The following TTC8 variants were observed in gnomAD, a reference collection of about 807,000 sequenced individuals.
TTC8 encodes the protein tetratricopeptide repeat protein 8.
In TTC8, 47 loss-of-function variants were observed where a neutral mutation model predicts 72.5. That is an observed-to-expected ratio of 0.65 (90% CI 0.51 to 0.83). The LOEUF (loss-of-function observed/expected upper bound fraction) is 0.83, where lower values mean the gene tolerates loss of function less well. TTC8 is among the 40% of genes least tolerant of loss of function. The probability of loss-of-function intolerance (pLI) is 0.00; values close to 1 mark genes in which losing one functional copy is unlikely to be tolerated. For missense variants in TTC8, 611 were observed against 623.2 expected (o/e 0.98, Z 0.21); for synonymous variants, 199 against 221.4 (o/e 0.90, Z 0.90).
At chr14:88,868,961 G>A (rs1275947026) in intron 10 of TTC8, among the ~76,000 whole-genome samples, 1 of 152,164 alleles carries the variant, frequency 6.6e-6, no homozygotes, top group Non-Finnish European at 1.5e-5. Flanking sequence ...CTGTGTATGA[G>A]TATGTCTAAA....
chr14:88,874,955 A>C (rs1040394703), intron 13 of TTC8, 71 bp from the exon 14 acceptor site: 1 of 1,275,128 alleles, frequency 7.8e-7, no homozygotes, highest in Non-Finnish European at 1.1e-6. Context: ...TTACCAAAAA[A>C]AAAACACAAA....
Position 88,840,948 on chromosome 14 carries a change from A to T in TTC8, c.329+20A>T, listed in dbSNP as rs1357095534. 1 of 1,613,988 alleles carries T rather than the reference A, an allele frequency of 6.2e-7. No individual in the cohort carries two copies. The highest frequency in any genetic ancestry group is 1.7e-5 in the Admixed American group (1 of 59,972). ...CGTTAGGTATGTACTTCTGCTTCAT[A>T]ACCTCTGCCACTAAATATTGATCAG... On this transcript the variant is annotated intron_variant, in intron 4 of 14. Coordinates refer to ENST00000380656, the MANE Select transcript of TTC8 (RefSeq NM_144596.4).
intron 2 of TTC8, among the ~76,000 whole-genome samples, chr14:88,834,338 T>C (rs936365696): frequency 6.6e-5 from 10 of 152,260 alleles, no homozygotes; most frequent in African/African-American, 2.4e-4. Context: ...ACCTGGCCAG[T>C]GATACTTTTA....
intron 2 of TTC8, chr14:88,837,129 C>T: frequency 5.1e-6 from 1 of 196,722 alleles, no homozygotes; most frequent in Non-Finnish European, 1.1e-5. Flanking sequence ...AGTTCTGAAG[C>T]CTCATTAGCT....
chr14:88,841,895 A>T (rs905134026), intron 6 of TTC8, among the ~76,000 whole-genome samples: 1 of 152,084 alleles, frequency 6.6e-6, no homozygotes, highest in Non-Finnish European at 1.5e-5. Flanking sequence ...GTTTTTTAGG[A>T]CTGTCAAAGG....
chr14:88,827,387 G>C (rs866247559), intron 1 of TTC8, among the ~76,000 whole-genome samples: 4 of 152,300 alleles, frequency 2.6e-5, no homozygotes, highest in Non-Finnish European at 5.9e-5. Flanking sequence ...ATCAGTACCA[G>C]ATCTGGAGGA....
chr14:88,830,706 C>T (rs947672144), intron 1 of TTC8, among the ~76,000 whole-genome samples: 9 of 152,308 alleles, frequency 5.9e-5, no homozygotes, highest in Admixed American at 3.9e-4. Context: ...TGCTCAACTG[C>T]GCTGATACCT....
At chr14:88,852,849 C>G in intron 7 of TTC8, 122 bp from the exon 8 acceptor site, 1 of 854,854 alleles carries the variant, frequency 1.2e-6, no homozygotes, top group Non-Finnish European at 1.9e-6. Context: ...ACTTGAGTTT[C>G]TGTCGGATTT....
rs1363822097 is a variant in TTC8 at position 88,832,254 on chromosome 14, C to G, written c.115-1439C>G. Reference sequence around the variant, plus strand: ...TGAGCAGAAATCCTCTGAGGCTGAGCTGGTGGTTTCATTTTGTGTCACTGG... The same window carrying G: ...TGAGCAGAAATCCTCTGAGGCTGAGGTGGTGGTTTCATTTTGTGTCACTGG... On this transcript the variant is annotated intron_variant, in intron 1 of 14. Coordinates refer to ENST00000380656, the MANE Select transcript of TTC8 (RefSeq NM_144596.4). 2.6e-5 allele frequency among the ~76,000 whole-genome samples: 4 copies of G among 152,322 alleles called. No homozygotes were observed. In the South Asian group the frequency reaches 8.3e-4, roughly 32 times the overall value.
At chr14:88,868,353 A>G (rs1272294971) in intron 10 of TTC8, among the ~76,000 whole-genome samples, 2 of 152,250 alleles carry the variant, frequency 1.3e-5, no homozygotes, top group East Asian at 1.9e-4. Flanking sequence ...TATAACTTAC[A>G]TAAACAAAAC....
chr14:88,877,471 A>G lies in TTC8; in HGVS notation c.*61A>G, dbSNP rs555310651. On this transcript the variant is annotated 3_prime_UTR_variant, in exon 15 of 15. Coordinates refer to ENST00000380656, the MANE Select transcript of TTC8 (RefSeq NM_144596.4). ...CATTATGCAAGGGGAAAAAAGCACT[A>G]TGTCTGTGTATGTATGTATATAGTG... 3 of 1,271,440 alleles carry G rather than the reference A, an allele frequency of 2.4e-6. No homozygotes were observed. In the South Asian group the frequency reaches 3.6e-5, roughly 15 times the overall value. 78.8% of individuals were successfully genotyped at this position (1,271,440 alleles called of 1,614,324 possible).
At position 88,839,557 on chromosome 14, in the gene TTC8, A is replaced by G. The variant is rs754944949; in HGVS notation, c.250A>G (p.Ile84Val). The G allele has an allele frequency of 4.3e-6, 7 of 1,613,240 alleles. No individual in the cohort carries two copies. Among genetic ancestry groups the G allele is most frequent in the East Asian group, 4.5e-5 (2 of 44,726 alleles). ...IAEMMLDENAIAQVPRPGTSL... is the reference protein window; with the variant it reads ...IAEMMLDENAVAQVPRPGTSL... The stretch of plus-strand genomic sequence containing the variant: ...AGAAATGATGCTGGATGAAAATGCT[A>G]TAGCTCAAGTTCCACGTAAGTATTG... Residue 84 changes from isoleucine to valine, a missense_variant, in exon 3 of 15, where the codon ATA becomes GTA. Coordinates refer to ENST00000380656, the MANE Select transcript of TTC8 (RefSeq NM_144596.4).
At position 88,872,328 on chromosome 14, in the gene TTC8, A is replaced by G; in HGVS notation, c.1225-2A>G. The G allele has an allele frequency of 6.2e-7, 1 of 1,613,630 alleles. No homozygotes were observed. The highest frequency in any genetic ancestry group is 8.5e-7 in the Non-Finnish European group (1 of 1,179,726). ...GGTGTGAACATAGGCTTTCTTTTGTAGGGAATAGGAGATACAAATTTGGCC... is the reference window on the plus strand; with the variant it reads ...GGTGTGAACATAGGCTTTCTTTTGTGGGGAATAGGAGATACAAATTTGGCC... On this transcript the variant is annotated splice_acceptor_variant, in intron 12 of 14. Transcript: ENST00000380656. LOFTEE classifies it high-confidence loss of function.
chr14:88,873,016 C>T (rs2094941890), intron 13 of TTC8, among the ~76,000 whole-genome samples: 1 of 152,210 alleles, frequency 6.6e-6, no homozygotes, highest in Non-Finnish European at 1.5e-5. Context: ...ACACTCTTCT[C>T]AGAACAACCT....
chr14:88,846,474 C>G (rs932833085), intron 7 of TTC8: 60 of 535,234 alleles, frequency 1.1e-4, no homozygotes, highest in Non-Finnish European at 2.3e-5. Flanking sequence ...GTTTAAGGAA[C>G]AGTAAGAAGG....
chr14:88,856,985 A>G (rs931699687), intron 8 of TTC8, among the ~76,000 whole-genome samples: 3 of 152,160 alleles, frequency 2.0e-5, no homozygotes, highest in Non-Finnish European at 4.4e-5. Context: ...TTTACATACC[A>G]TTTGGGGGTT....
At chr14:88,834,003 A>T in intron 2 of TTC8, 1 of 453,034 alleles carries the variant, frequency 2.2e-6, no homozygotes, top group Non-Finnish European at 4.0e-6. Flanking sequence ...TATGAAAAAT[A>T]AAGAAGGAGG....
At chr14:88,859,487 G>A (rs951176600) in intron 9 of TTC8, among the ~76,000 whole-genome samples, 1 of 152,118 alleles carries the variant, frequency 6.6e-6, no homozygotes, top group Non-Finnish European at 1.5e-5. Context: ...GACACATAGA[G>A]GGGAGCAGCA....
chr14:88,877,245 C>G, intron 14 of TTC8, 49 bp from the exon 15 acceptor site: 1 of 1,391,070 alleles, frequency 7.2e-7, no homozygotes, highest in East Asian at 2.3e-5. Context: ...CTTCCTTACT[C>G]ATTTTTTTCT....
Sources: allele counts gnomAD v4.1 joint callset (sites outside exome capture counted in the v4.1 genomes callset), GRCh38; gene constraint gnomAD v4.1.1; transcripts MANE v1.5; gene names NCBI Gene and HGNC (gene_info 2026-07-23, HGNC 2026-07-21).